The following ETFA variants were observed in gnomAD, a reference collection of about 807,000 sequenced individuals.
ETFA encodes the protein electron transfer flavoprotein subunit alpha, mitochondrial.
Under a neutral mutation model 46.2 loss-of-function variants are expected in ETFA, and 22 were observed. The observed-to-expected ratio is 0.48, with a 90% CI of 0.34 to 0.68. ETFA has a LOEUF of 0.68. Among genes scored for constraint, ETFA ranks in the 30% least tolerant of loss-of-function variants. The pLI is 0.01. For missense variants in ETFA, 345 were observed against 401.1 expected, an observed-to-expected ratio of 0.86 and a Z score of 1.19; for synonymous variants, 131 against 139.9, an observed-to-expected ratio of 0.94 and a Z score of 0.45.
chr15:76,288,454 G>A (rs1178833956), intron 4 of ETFA, among the ~76,000 whole-genome samples: 2 of 152,112 alleles, frequency 1.3e-5, no homozygotes, highest in African/African-American at 4.8e-5. Flanking sequence ...GCTGACACCT[G>A]TAATCCCAGC....
chr15:76,224,134 A>G (rs1004094452), intron 11 of ETFA, among the ~76,000 whole-genome samples: 1 of 152,222 alleles, frequency 6.6e-6, no homozygotes, highest in Non-Finnish European at 1.5e-5. Flanking sequence ...ATTCACACCA[A>G]TAGTAAGAAC....
intron 9 of ETFA, among the ~76,000 whole-genome samples, chr15:76,258,649 C>CA (rs2039371048): frequency 6.6e-6 from 1 of 152,220 alleles, no homozygotes; most frequent in Non-Finnish European, 1.5e-5. Flanking sequence ...GTAGAGCCTA[C>CA]AGGGCTGGAC....
chr15:76,222,466 A>G (rs1241599454), intron 11 of ETFA, among the ~76,000 whole-genome samples: 1 of 152,184 alleles, frequency 6.6e-6, no homozygotes, highest in Non-Finnish European at 1.5e-5. Context: ...CAGAATTACT[A>G]CAGTATTCAC....
chr15:76,258,170 T>TAATAAATA (rs10688626), intron 9 of ETFA, among the ~76,000 whole-genome samples: 5,540 of 151,052 alleles, frequency 0.037, 337 homozygotes, highest in African/African-American at 0.12. Flanking sequence ...TAAAGTATAA[T>TAATAAATA]AATAAATAAA....
chr15:76,216,513 G>A lies in ETFA; in HGVS notation c.*46C>T, dbSNP rs183981964. ...ATACCCACAAATATCTGTGATTTCA[G>A]TGGAATACTTTAACAAAAGTTTTCT... is the stretch of plus-strand genomic sequence containing the variant. On this transcript the variant is annotated 3_prime_UTR_variant, in exon 12 of 12. Transcript: ENST00000557943. 1,724 of 1,070,384 alleles carry A rather than the reference G, an allele frequency of 1.6e-3. 4 individuals carry two copies. Among genetic ancestry groups the A allele is most frequent in the Middle Eastern group, 4.4e-3 (20 of 4,504 alleles). 66.3% of individuals were successfully genotyped at this position (1,070,384 alleles called of 1,614,324 possible). A position where few individuals can be genotyped will look rare whatever the true frequency, so the allele number is the denominator to read the frequency against.
rs754202690 is a variant in ETFA, at chr15:76,295,725, G to C, written c.52C>G (p.Arg18Gly). The change falls in exon 2 of 12, where the codon CGA (arginine) becomes GGA (glycine). Residue 18 changes from arginine to glycine, a missense_variant. Coordinates refer to ENST00000557943, the MANE Select transcript of ETFA (RefSeq NM_000126.4). ...GCTATTACCAGGGTACTCTGAAATC[G>C]TAGCAATGAGGCCTAAAAAGAGCAA... ...GQLRRAASLL[R>G]FQSTLVIAEH... is the part of the protein sequence containing the mutation. 10 of 1,609,374 alleles carry C rather than the reference G, an allele frequency of 6.2e-6. No homozygotes were observed. Among genetic ancestry groups the C allele is most frequent in the East Asian group, 2.2e-5 (1 of 44,714 alleles).
At chr15:76,262,768 A>T (rs1221187321) in intron 9 of ETFA, among the ~76,000 whole-genome samples, 1 of 152,138 alleles carries the variant, frequency 6.6e-6, no homozygotes, top group Non-Finnish European at 1.5e-5. Flanking sequence ...GGCATGAGGC[A>T]CCACACCCGG....
intron 4 of ETFA, among the ~76,000 whole-genome samples, chr15:76,289,452 CTT>C (rs1335100205): frequency 2.6e-5 from 4 of 152,064 alleles, no homozygotes; most frequent in Non-Finnish European, 5.9e-5. Flanking sequence ...AATTTAATGT[CTT>C]TTGTATTTTC....
intron 8 of ETFA, among the ~76,000 whole-genome samples, chr15:76,279,817 C>T (rs1316015482): frequency 6.6e-6 from 1 of 152,072 alleles, no homozygotes; most frequent in African/African-American, 2.4e-5. Flanking sequence ...CTTATCACTC[C>T]TTTTTGGTCT....
At chr15:76,270,214 A>G (rs2039514767) in intron 9 of ETFA, among the ~76,000 whole-genome samples, 1 of 152,164 alleles carries the variant, frequency 6.6e-6, no homozygotes, top group African/African-American at 2.4e-5. Flanking sequence ...TCTATACAGG[A>G]AGACTATTCA....
chr15:76,218,516 C>T (rs1265607468), intron 11 of ETFA, among the ~76,000 whole-genome samples: 1 of 152,162 alleles, frequency 6.6e-6, no homozygotes, highest in East Asian at 1.9e-4. Context: ...GGTGATCCAC[C>T]CACCTCAGGC....
At chr15:76,223,850 C>A (rs2038980532) in intron 11 of ETFA, among the ~76,000 whole-genome samples, 1 of 152,216 alleles carries the variant, frequency 6.6e-6, no homozygotes, top group Admixed American at 6.5e-5. Flanking sequence ...ATAATGACTA[C>A]AAAGAAGCTC....
chr15:76,279,740 T>C (rs531030194), intron 8 of ETFA, among the ~76,000 whole-genome samples: 43 of 152,176 alleles, frequency 2.8e-4, no homozygotes, highest in Middle Eastern at 6.8e-3. Flanking sequence ...ATCAATTTTT[T>C]CCCCCCTCAA....
At chr15:76,227,103 A>T (rs552484019) in intron 10 of ETFA, among the ~76,000 whole-genome samples, 2 of 152,200 alleles carry the variant, frequency 1.3e-5, no homozygotes, top group East Asian at 3.9e-4. Context: ...CTATAAAAAT[A>T]TTCTTAAATG....
intron 4 of ETFA, 129 bp downstream of exon 4, chr15:76,292,302 G>A (rs999736130): frequency 2.1e-5 from 15 of 730,770 alleles, no homozygotes; most frequent in Middle Eastern, 3.4e-4. Flanking sequence ...ATAAATTTTA[G>A]CAAAACTACC....
intron 1 of ETFA, among the ~76,000 whole-genome samples, chr15:76,301,704 TCAAAACAAAA>T (rs5813829): frequency 0.3 from 45,062 of 151,362 alleles, 7,075 homozygotes; most frequent in East Asian, 0.57. Flanking sequence ...AGACTCCATC[TCAAAACAAAA>T]CAAAACAAAA....
chr15:76,219,725 T>G (rs570965002), intron 11 of ETFA, among the ~76,000 whole-genome samples: 2 of 152,202 alleles, frequency 1.3e-5, no homozygotes, highest in East Asian at 3.8e-4. Context: ...TTTCATATGC[T>G]TATGTGCTTA....
Position 76,290,333 on chromosome 15 carries a change from C to CTTTTTTTTTTTTTTTTTTTTT in ETFA, c.351+2077_351+2097dup, listed in dbSNP as rs10682432. On this transcript the variant is annotated intron_variant, in intron 4 of 11. Transcript: ENST00000557943. ...AACATTATGAGCCAAAGTCGCTACTCTTTTTTTTTTTTTTTTTTTTTGAGA... is the reference window on the plus strand; with the variant it reads ...AACATTATGAGCCAAAGTCGCTACTCTTTTTTTTTTTTTTTTTTTTTTTTTTTTTTTTTTTTTTTTTTGAGA... Among the ~76,000 whole-genome samples the CTTTTTTTTTTTTTTTTTTTTT allele has an allele frequency of 2.1e-5, 2 of 97,140 alleles. 1 individual carries two copies. Among genetic ancestry groups the CTTTTTTTTTTTTTTTTTTTTT allele is most frequent in the Non-Finnish European group, 3.9e-5 (2 of 51,498 alleles). 63.7% of individuals were successfully genotyped at this position (97,140 alleles called of 152,430 possible). A position where few individuals can be genotyped will look rare whatever the true frequency, so the allele number is the denominator to read the frequency against.
At chr15:76,304,661 CAAA>C (rs796277864) in intron 1 of ETFA, among the ~76,000 whole-genome samples, 4 of 87,108 alleles carry the variant, frequency 4.6e-5, no homozygotes, top group Non-Finnish European at 7.3e-5. Flanking sequence ...GACTCTATTT[CAAA>C]AAAAAAAAAA....
Sources: gnomAD v4.1 joint callset for allele counts (sites outside exome capture counted in the v4.1 genomes callset) on GRCh38, gnomAD v4.1.1 for gene constraint, MANE v1.5 for transcripts, NCBI Gene and HGNC (gene_info 2026-07-23, HGNC 2026-07-21) for gene names.